MIER1: variants seen among roughly 807,000 people sequenced by gnomAD.
The protein encoded by MIER1 is mesoderm induction early response protein 1.
A neutral mutation model predicts 75.7 loss-of-function variants in MIER1; 40 were observed. The observed-to-expected ratio is 0.53, with a 90% CI of 0.41 to 0.69. The LOEUF is 0.69. Ranked by LOEUF, MIER1 falls within the 30% of genes least tolerant of loss-of-function variation. The pLI is 0.00. For missense variants in MIER1, 574 were observed against 680.2 expected (o/e 0.84, Z 1.74); for synonymous variants, 213 against 223.4 (o/e 0.95, Z 0.42).
chr1:66,935,378 T>C (rs1654532918), intron 2 of MIER1, among the ~76,000 whole-genome samples: 6 of 152,212 alleles, frequency 3.9e-5, no homozygotes, highest in Admixed American at 1.3e-4. Flanking sequence ...TTTTAGCCCA[T>C]TCATACTCTG....
intron 4 of MIER1, chr1:66,947,869 G>C (rs865985431): frequency 3.2e-6 from 3 of 935,946 alleles, no homozygotes; most frequent in Non-Finnish European, 3.8e-6. Flanking sequence ...TCTGCTTCAA[G>C]GGTTTTCAGC....
chr1:66,938,386 T>TA (rs1655411544), intron 2 of MIER1, among the ~76,000 whole-genome samples: 1 of 152,166 alleles, frequency 6.6e-6, no homozygotes, highest in South Asian at 2.1e-4. Flanking sequence ...TCATAAGTCT[T>TA]ATTTTGTGTG....
At chr1:66,968,486 G>A (rs879867786) in intron 8 of MIER1, among the ~76,000 whole-genome samples, 26 of 151,768 alleles carry the variant, frequency 1.7e-4, no homozygotes, top group Non-Finnish European at 3.2e-4. Context: ...TTTATTGTAG[G>A]GATTACTTAA....
At chr1:66,967,578 C>G (rs1662679475) in intron 8 of MIER1, among the ~76,000 whole-genome samples, 1 of 150,376 alleles carries the variant, frequency 6.6e-6, no homozygotes, top group Non-Finnish European at 1.5e-5. Context: ...CTGTAGATTG[C>G]TTTTGGTAGC....
intron 11 of MIER1, among the ~76,000 whole-genome samples, chr1:66,975,970 G>A (rs1664621391): frequency 6.7e-6 from 1 of 150,092 alleles, no homozygotes; most frequent in African/African-American, 2.5e-5. Context: ...TAACATGAAT[G>A]CCACTTCCAG....
At chr1:66,982,860 A>G (rs1010257199) in intron 13 of MIER1, among the ~76,000 whole-genome samples, 2 of 152,224 alleles carry the variant, frequency 1.3e-5, no homozygotes, top group Non-Finnish European at 2.9e-5. Context: ...GTCCTGGTCC[A>G]AGAAGGTTTA....
intron 11 of MIER1, among the ~76,000 whole-genome samples, chr1:66,973,854 G>A (rs1397417781): frequency 1.3e-5 from 2 of 152,054 alleles, no homozygotes; most frequent in African/African-American, 2.4e-5. Flanking sequence ...CTTAAAGATA[G>A]CTTCTAAGTT....
At position 66,984,858 on chromosome 1, in the gene MIER1, C is replaced by A; in HGVS notation, c.1656C>A (p.Val552=). 1 of 1,603,682 alleles carries A rather than the reference C, an allele frequency of 6.2e-7. No individual in the cohort carries two copies. Among genetic ancestry groups the A allele is most frequent in the Non-Finnish European group, 8.5e-7 (1 of 1,177,254 alleles). ...CTTCTGAATTTTTCCAAGAAGCAGT[C>A]TCACATGGGAAATTTGAAGAACTTG... is the stretch of plus-strand genomic sequence containing the variant. ...PGSSEFFQEA[V]SHGKFEELEN... The change falls in exon 14 of 14, where the codon GTC becomes GTA. Residue 552 remains valine (V), a synonymous_variant. Transcript: ENST00000401041.
chr1:66,930,771 C>T (rs898429640), intron 2 of MIER1, among the ~76,000 whole-genome samples: 1 of 152,130 alleles, frequency 6.6e-6, no homozygotes, highest in Non-Finnish European at 1.5e-5. Context: ...TTTTCCCTTC[C>T]TAACCGAGAT....
intron 4 of MIER1, 76 bp downstream of exon 4, chr1:66,946,371 C>A: frequency 2.0e-6 from 3 of 1,473,316 alleles, no homozygotes; most frequent in Non-Finnish European, 2.7e-6. Context: ...AATTTTGATT[C>A]TCTGATTAGG....
chr1:66,925,218 G>C, intron 1 of MIER1, 123 bp downstream of exon 1: 1 of 1,387,192 alleles, frequency 7.2e-7, no homozygotes, highest in Non-Finnish European at 9.3e-7. Context: ...CCGCCCGGAA[G>C]ACCCTTAACT....
chr1:66,972,081 T>G (rs1663724479), intron 10 of MIER1, among the ~76,000 whole-genome samples: 1 of 151,476 alleles, frequency 6.6e-6, no homozygotes, highest in Non-Finnish European at 1.5e-5. Flanking sequence ...TAAAAATTGA[T>G]GAGCCTGAGA....
chr1:66,949,340 A>G (rs540028894), intron 4 of MIER1, among the ~76,000 whole-genome samples: 10 of 152,162 alleles, frequency 6.6e-5, no homozygotes, highest in Non-Finnish European at 1.5e-4. Flanking sequence ...CTGTGCTAAA[A>G]TTTTGGTTAT....
chr1:66,979,993 A>G (rs1297291538), intron 12 of MIER1, among the ~76,000 whole-genome samples: 2 of 151,752 alleles, frequency 1.3e-5, no homozygotes, highest in East Asian at 1.9e-4. Context: ...CAAACTCCCA[A>G]CCTCAGGTGA....
chr1:66,971,193 C>A (rs1663532441), intron 9 of MIER1, among the ~76,000 whole-genome samples: 1 of 152,076 alleles, frequency 6.6e-6, no homozygotes, highest in South Asian at 2.1e-4. Flanking sequence ...TTTCATTAGG[C>A]TTTTTAAAAT....
At chr1:66,968,684 T>C (rs1202522216) in intron 8 of MIER1, among the ~76,000 whole-genome samples, 3 of 152,236 alleles carry the variant, frequency 2.0e-5, no homozygotes, top group African/African-American at 7.2e-5. Flanking sequence ...TTGTTAGTTA[T>C]AATAACATTC....
intron 2 of MIER1, among the ~76,000 whole-genome samples, chr1:66,934,330 T>C (rs1654170593): frequency 6.6e-6 from 1 of 152,156 alleles, no homozygotes; most frequent in Non-Finnish European, 1.5e-5. Context: ...GCAATTCATC[T>C]ATGGCACAGT....
intron 3 of MIER1, among the ~76,000 whole-genome samples, chr1:66,945,353 T>TA (rs1231345043): frequency 6.8e-6 from 1 of 147,840 alleles, no homozygotes. Flanking sequence ...TGTAAATAGT[T>TA]ATACTGTGTT....
At chr1:66,930,608 C>G (rs1652977209) in intron 2 of MIER1, among the ~76,000 whole-genome samples, 1 of 151,714 alleles carries the variant, frequency 6.6e-6, no homozygotes, top group African/African-American at 2.4e-5. Context: ...CGGAGGCGTA[C>G]TTGGACTTCG....
Sources: allele counts gnomAD v4.1 joint callset (sites outside exome capture counted in the v4.1 genomes callset), GRCh38; gene constraint gnomAD v4.1.1; transcripts MANE v1.5; gene names NCBI Gene and HGNC (gene_info 2026-07-23, HGNC 2026-07-21).